COL25A1: variants seen among roughly 807,000 people sequenced by gnomAD.
The protein encoded by COL25A1 is collagen alpha-1(XXV) chain.
COL25A1 carries 103 observed loss-of-function variants against 128.4 expected under a neutral mutation model. The ratio of observed to expected loss-of-function variants is 0.80; its 90% CI spans 0.68 to 0.94. The LOEUF (loss-of-function observed/expected upper bound fraction) is 0.94. Among genes scored for constraint, COL25A1 ranks in the 40% least tolerant of loss-of-function variants. COL25A1 has a pLI of 0.00. For synonymous variants in COL25A1, 279 were observed against 277.2 expected (o/e 1.01, Z -0.06); for missense variants, 745 against 840.0 (o/e 0.89, Z 1.40).
chr4:108,983,033 A>G (rs1753167317), intron 6 of COL25A1, among the ~76,000 whole-genome samples: 1 of 152,228 alleles, frequency 6.6e-6, no homozygotes, highest in African/African-American at 2.4e-5. Flanking sequence ...GGAATCAGGG[A>G]CGCTCTCTCT....
chr4:109,061,891 A>T (rs1762007680), intron 3 of COL25A1, among the ~76,000 whole-genome samples: 1 of 152,016 alleles, frequency 6.6e-6, no homozygotes. Context: ...TGCTATATCT[A>T]TCACACAGCA....
chr4:109,272,751 G>A (rs1782278164), intron 3 of COL25A1, among the ~76,000 whole-genome samples: 1 of 152,156 alleles, frequency 6.6e-6, no homozygotes, highest in African/African-American at 2.4e-5. Context: ...TTTGCAGGGA[G>A]CGTTATCATC....
rs1230080639 is a variant in COL25A1, at chr4:108,813,521, C to T, written c.*406G>A. The T allele has an allele frequency of 6.1e-6, 1 of 162,702 alleles. No individual in the cohort carries two copies. Among genetic ancestry groups the T allele is most frequent in the Non-Finnish European group, 1.3e-5 (1 of 74,944 alleles). The allele number at this position is 162,702 out of a possible 1,614,324, so 10.1% of individuals were successfully genotyped here. Reference sequence around the variant, plus strand: ...GGAATGTGATAATCAGCTCTAAAATCAGTCAGTATAGTACATTTTCATAGC... The same window carrying T: ...GGAATGTGATAATCAGCTCTAAAATTAGTCAGTATAGTACATTTTCATAGC... On this transcript the variant is annotated 3_prime_UTR_variant, in exon 38 of 38. Transcript: ENST00000399132.
At chr4:109,007,148 T>G (rs1274318013) in intron 6 of COL25A1, among the ~76,000 whole-genome samples, 1 of 152,190 alleles carries the variant, frequency 6.6e-6, no homozygotes, top group African/African-American at 2.4e-5. Flanking sequence ...TCCACTTTTT[T>G]TGTAAAAGAA....
At chr4:109,290,529 C>T (rs923764221) in intron 3 of COL25A1, among the ~76,000 whole-genome samples, 1 of 152,052 alleles carries the variant, frequency 6.6e-6, no homozygotes, top group African/African-American at 2.4e-5. Flanking sequence ...TATGGTAGTA[C>T]TAAGTCACAC....
intron 3 of COL25A1, among the ~76,000 whole-genome samples, chr4:109,061,837 A>T (rs1762000202): frequency 6.6e-6 from 1 of 152,194 alleles, no homozygotes; most frequent in African/African-American, 2.4e-5. Flanking sequence ...TATGAATAAA[A>T]TGTTTCCCCA....
chr4:108,884,875 T>C (rs907639703), intron 18 of COL25A1, among the ~76,000 whole-genome samples: 2 of 152,186 alleles, frequency 1.3e-5, no homozygotes, highest in South Asian at 4.1e-4. Context: ...TGAGATTAAG[T>C]AGTACATTTT....
chr4:109,014,939 C>T (rs1021362829), intron 5 of COL25A1, among the ~76,000 whole-genome samples: 1 of 152,224 alleles, frequency 6.6e-6, no homozygotes, highest in African/African-American at 2.4e-5. Flanking sequence ...CTCTCACTCA[C>T]TAGGATGTAA....
At chr4:109,140,597 C>T (rs900924566) in intron 3 of COL25A1, among the ~76,000 whole-genome samples, 10 of 152,276 alleles carry the variant, frequency 6.6e-5, no homozygotes, top group Middle Eastern at 3.4e-3. Flanking sequence ...TTTGTGTCCT[C>T]TCTTATTTCC....
chr4:108,841,266 A>G (rs1734423670), intron 31 of COL25A1, among the ~76,000 whole-genome samples: 1 of 152,212 alleles, frequency 6.6e-6, no homozygotes, highest in Admixed American at 6.5e-5. Flanking sequence ...CGAGTACAAA[A>G]TTAAGATGCT....
intron 3 of COL25A1, among the ~76,000 whole-genome samples, chr4:109,175,487 G>C (rs1487215505): frequency 6.6e-6 from 1 of 152,060 alleles, no homozygotes; most frequent in Non-Finnish European, 1.5e-5. Flanking sequence ...TCCAATAAGA[G>C]TTCTTCATAT....
At chr4:109,128,000 T>C (rs984812132) in intron 3 of COL25A1, among the ~76,000 whole-genome samples, 1 of 152,142 alleles carries the variant, frequency 6.6e-6, no homozygotes, top group African/African-American at 2.4e-5. Flanking sequence ...CCCTGCAGTC[T>C]CCTGAGCATG....
At chr4:109,188,903 G>A (rs1311741357) in intron 3 of COL25A1, among the ~76,000 whole-genome samples, 2 of 152,044 alleles carry the variant, frequency 1.3e-5, no homozygotes, top group East Asian at 1.9e-4. Context: ...TGTTAAATAT[G>A]TGAAGATTCT....
At chr4:109,241,493 C>G (rs746065926) in intron 3 of COL25A1, among the ~76,000 whole-genome samples, 5 of 151,836 alleles carry the variant, frequency 3.3e-5, no homozygotes, top group African/African-American at 4.8e-5. Context: ...CATATATACA[C>G]CAGGGAGGGT....
At chr4:108,966,290 C>T (rs115945807) in intron 8 of COL25A1, among the ~76,000 whole-genome samples, 353 of 152,200 alleles carry the variant, frequency 2.3e-3, no homozygotes, top group African/African-American at 8.1e-3. Context: ...CAGTGTGTGG[C>T]CTGCATAAAC....
At chr4:109,012,831 C>T (rs1447055935) in intron 5 of COL25A1, among the ~76,000 whole-genome samples, 5 of 152,338 alleles carry the variant, frequency 3.3e-5, no homozygotes, top group South Asian at 2.1e-4. Flanking sequence ...CCAGTCCCAT[C>T]GACAGCCCAA....
intron 5 of COL25A1, among the ~76,000 whole-genome samples, chr4:109,018,516 G>C (rs561116322): frequency 6.6e-6 from 1 of 152,204 alleles, no homozygotes; most frequent in South Asian, 2.1e-4. Flanking sequence ...GAGCCACTGT[G>C]CCTGGCCCCA....
chr4:109,081,997 G>A (rs1465473374), intron 3 of COL25A1, among the ~76,000 whole-genome samples: 3 of 152,112 alleles, frequency 2.0e-5, no homozygotes, highest in Non-Finnish European at 4.4e-5. Flanking sequence ...GAGCCACCGC[G>A]CGTAGCCCAC....
chr4:109,266,216 CTAAGA>C (rs1781784516), intron 3 of COL25A1, among the ~76,000 whole-genome samples: 1 of 152,110 alleles, frequency 6.6e-6, no homozygotes. Context: ...TAAAAATTAA[CTAAGA>C]TAATACATGA....
Sources: allele counts gnomAD v4.1 joint callset (sites outside exome capture counted in the v4.1 genomes callset), GRCh38; gene constraint gnomAD v4.1.1; transcripts MANE v1.5; gene names NCBI Gene and HGNC (gene_info 2026-07-23, HGNC 2026-07-21).